Variants in NAA35 observed in about 807,000 individuals in gnomAD.
NAA35 encodes the protein MAK10 homolog, amino-acid N-acetyltransferase subunit.
In NAA35, 18 loss-of-function variants were observed where a neutral mutation model predicts 101.7. The observed-to-expected ratio is 0.18, with a 90% confidence interval of 0.12 to 0.26. The LOEUF (loss-of-function observed/expected upper bound fraction) is 0.26. Among genes scored for constraint, NAA35 ranks in the 10% least tolerant of loss-of-function variants. NAA35 has a pLI of 1.00. For missense variants in NAA35, 601 were observed against 886.8 expected, an observed-to-expected ratio of 0.68 and a Z score of 4.09; for synonymous variants, 267 against 273.1, an observed-to-expected ratio of 0.98 and a Z score of 0.22.
chr9:86,010,121 G>A (rs1047452709), intron 15 of NAA35, among the ~76,000 whole-genome samples, 190 bp downstream of exon 15: 7 of 152,080 alleles, frequency 4.6e-5, no homozygotes, highest in Non-Finnish European at 1.0e-4. Flanking sequence ...GGTGGCGCAC[G>A]CCTGTAGTGC....
intron 6 of NAA35, among the ~76,000 whole-genome samples, chr9:85,962,511 A>G (rs1239900473): frequency 2.7e-5 from 4 of 149,996 alleles, no homozygotes; most frequent in Non-Finnish European, 5.9e-5. Flanking sequence ...AAAAAAAAAG[A>G]AAGAAAAAAG....
intron 3 of NAA35, among the ~76,000 whole-genome samples, chr9:85,957,738 G>T (rs1829337573): frequency 6.6e-6 from 1 of 152,162 alleles, no homozygotes; most frequent in South Asian, 2.1e-4. Context: ...TCAAGGTTAG[G>T]AATATGAAAC....
chr9:85,998,471 C>T lies in NAA35; in HGVS notation c.1056+1894C>T, dbSNP rs78789105. On this transcript the variant is annotated intron_variant, in intron 12 of 22. Coordinates refer to ENST00000361671, the MANE Select transcript of NAA35 (RefSeq NM_024635.4). ...CTAAGATGAATATATTTATAGGTAA[C>T]TCTTTTTATTGTATGCTTCCTTTCC... is the stretch of plus-strand genomic sequence containing the variant. Among the ~76,000 whole-genome samples the T allele has an allele frequency of 3.0e-3, 451 of 152,210 alleles. 17 individuals are homozygous for T. The East Asian group carries it at 0.055, about 19-fold the overall frequency.
chr9:85,956,310 A>T, intron 2 of NAA35, 50 bp from the exon 3 acceptor site: 1 of 1,136,958 alleles, frequency 8.8e-7, no homozygotes, highest in Non-Finnish European at 1.2e-6. Flanking sequence ...TCTTAGAATT[A>T]AAAGTTAAAT....
rs1048973481 is a variant in NAA35 at position 86,018,626 on chromosome 9, T to C, written c.1915-73T>C. On this transcript the variant is annotated intron_variant, in intron 20 of 22. Coordinates refer to ENST00000361671, the MANE Select transcript of NAA35 (RefSeq NM_024635.4). ...AGTGGATAGAAAATGTAGAATTCTT[T>C]AATAATTAGAAATGGGATTTTAGAG... The C allele has an allele frequency of 1.1e-5, 17 of 1,543,500 alleles. No homozygotes were observed. The African/African-American group carries it at 1.7e-4, about 15-fold the overall frequency.
chr9:85,986,322 G>A (rs1830645112), intron 11 of NAA35: 2 of 456,920 alleles, frequency 4.4e-6, no homozygotes, highest in Non-Finnish European at 8.9e-6. Flanking sequence ...TCATAGTGGT[G>A]CAAATGCTGA....
In NAA35 at chr9:85,964,516, CA is replaced by C. The variant is rs1391007067; in HGVS notation, c.516+2338del. Among the ~76,000 whole-genome samples, 3 of 152,296 alleles carry C rather than the reference CA, an allele frequency of 2.0e-5. No individual in the cohort carries two copies. The East Asian group carries it at 5.8e-4, about 29-fold the overall frequency. ...CCCAATCCTTAGTGTTTTTTCCCTA[CA>C]ATACAGGATCCAGTTTAGAATTATG... On this transcript the variant is annotated intron_variant, in intron 6 of 22. Coordinates refer to ENST00000361671, the MANE Select transcript of NAA35 (RefSeq NM_024635.4).
At chr9:86,002,565 TTTTC>T in intron 12 of NAA35, among the ~76,000 whole-genome samples, 1 of 152,244 alleles carries the variant, frequency 6.6e-6, no homozygotes, top group African/African-American at 2.4e-5. Flanking sequence ...TTTTCTTCTT[TTTTC>T]TTTATTTTTG....
intron 5 of NAA35, among the ~76,000 whole-genome samples, chr9:85,960,511 A>C (rs559888178): frequency 6.6e-6 from 1 of 152,318 alleles, no homozygotes; most frequent in South Asian, 2.1e-4. Context: ...TTATATGTAT[A>C]GTTTTCACTT....
chr9:85,941,181 TGA>T lies in NAA35; in HGVS notation c.-94_-93del. The T allele has an allele frequency of 1.0e-6, 1 of 986,456 alleles. No homozygotes were observed. Among genetic ancestry groups the T allele is most frequent in the African/African-American group, 1.7e-5 (1 of 57,286 alleles). 61.1% of individuals were successfully genotyped at this position (986,456 alleles called of 1,614,324 possible). A position where few individuals can be genotyped will look rare whatever the true frequency, so the allele number is the denominator to read the frequency against. On this transcript the variant is annotated 5_prime_UTR_variant, in exon 1 of 23. The change creates a premature stop within an existing upstream ORF in the 5' untranslated region. Coordinates refer to ENST00000361671, the MANE Select transcript of NAA35 (RefSeq NM_024635.4). ...GTGCACGCTGCCGGTCGGGCTGGGC[TGA>T]GAGGGGAGGGGGCGGCGGCGGCCGA...
intron 21 of NAA35, 103 bp downstream of exon 21, chr9:86,018,924 A>C (rs1398086056): frequency 1.9e-5 from 27 of 1,413,064 alleles, no homozygotes; most frequent in Non-Finnish European, 2.6e-5. Context: ...TAATAGTGTT[A>C]GTGAATAGAA....
chr9:85,987,391 C>T (rs755131287), intron 11 of NAA35, among the ~76,000 whole-genome samples: 16 of 152,186 alleles, frequency 1.1e-4, no homozygotes, highest in Non-Finnish European at 2.4e-4. Flanking sequence ...CAAAACTATG[C>T]TATTACAACC....
At chr9:85,993,975 A>T (rs1331812282) in intron 11 of NAA35, among the ~76,000 whole-genome samples, 5 of 143,258 alleles carry the variant, frequency 3.5e-5, no homozygotes, top group Non-Finnish European at 7.7e-5. Context: ...CACCCGGCTA[A>T]TTTTTTTTTT....
At chr9:85,957,747 A>G (rs1356934224) in intron 3 of NAA35, among the ~76,000 whole-genome samples, 1 of 152,154 alleles carries the variant, frequency 6.6e-6, no homozygotes, top group Non-Finnish European at 1.5e-5. Flanking sequence ...GGAATATGAA[A>G]CTTTTAATTA....
intron 11 of NAA35, among the ~76,000 whole-genome samples, chr9:85,980,060 G>A (rs938983139): frequency 6.6e-6 from 1 of 152,182 alleles, no homozygotes; most frequent in Non-Finnish European, 1.5e-5. Context: ...GCGAGTCACA[G>A]AACTCTGGGA....
intron 11 of NAA35, among the ~76,000 whole-genome samples, chr9:85,981,162 A>G (rs1425375717): frequency 2.0e-5 from 3 of 152,122 alleles, no homozygotes; most frequent in Non-Finnish European, 2.9e-5. Flanking sequence ...TTTCCAAAAG[A>G]GGGAGTGTGT....
chr9:85,954,508 G>T (rs1286197767), intron 2 of NAA35, among the ~76,000 whole-genome samples: 2 of 152,248 alleles, frequency 1.3e-5, no homozygotes, highest in Non-Finnish European at 2.9e-5. Flanking sequence ...TTTCTGCAGG[G>T]ATTTTTTTTT....
intron 2 of NAA35, among the ~76,000 whole-genome samples, chr9:85,955,915 A>G (rs1213145291): frequency 6.6e-6 from 1 of 152,218 alleles, no homozygotes; most frequent in African/African-American, 2.4e-5. Flanking sequence ...TGTCTTCTAC[A>G]TGATTTAAAC....
intron 6 of NAA35, among the ~76,000 whole-genome samples, chr9:85,969,564 T>A (rs1196700022): frequency 6.6e-6 from 1 of 152,182 alleles, no homozygotes; most frequent in Non-Finnish European, 1.5e-5. Context: ...TGCTTTATAT[T>A]CCTCTTGTTA....
Sources: allele counts gnomAD v4.1 joint callset (sites outside exome capture counted in the v4.1 genomes callset), GRCh38; gene constraint gnomAD v4.1.1; transcripts MANE v1.5; gene names NCBI Gene and HGNC (gene_info 2026-07-23, HGNC 2026-07-21).